The following DRG2 variants were observed in gnomAD, a reference collection of about 807,000 sequenced individuals.
The protein encoded by DRG2 is developmentally regulated GTP binding protein 2.
In DRG2, 36 loss-of-function variants were observed where a neutral mutation model predicts 53.4. The observed-to-expected ratio is 0.67, with a 90% CI of 0.52 to 0.89. DRG2 has a LOEUF of 0.89. Ranked by LOEUF, DRG2 falls within the 40% of genes least tolerant of loss-of-function variation. The pLI is 0.00. For missense variants in DRG2, 342 were observed against 481.2 expected (o/e 0.71, Z 2.71); for synonymous variants, 167 against 192.1 (o/e 0.87, Z 1.08).
At chr17:18,094,559 C>T (rs559341763) in intron 2 of DRG2, among the ~76,000 whole-genome samples, 2 of 152,216 alleles carry the variant, frequency 1.3e-5, no homozygotes, top group Non-Finnish European at 2.9e-5. Flanking sequence ...CTTGGTGTGT[C>T]CAGGGAGGCC....
intron 1 of DRG2, among the ~76,000 whole-genome samples, chr17:18,088,364 C>A (rs567082706): frequency 8.5e-4 from 129 of 152,320 alleles, no homozygotes; most frequent in African/African-American, 3.0e-3. Context: ...AGCATCTGAC[C>A]CAGAGAGAGG....
chr17:18,100,731 C>A lies in DRG2; in HGVS notation c.631+72C>A. 6.9e-7 allele frequency: 1 copy of A among 1,454,580 alleles called. No individual in the cohort carries two copies. Among genetic ancestry groups the A allele is most frequent in the Non-Finnish European group, 9.4e-7 (1 of 1,062,438 alleles). 90.1% of individuals were successfully genotyped at this position (1,454,580 alleles called of 1,614,324 possible). On this transcript the variant is annotated intron_variant, in intron 7 of 12. Transcript: ENST00000225729. The surrounding 1 kb of genome is among the most constrained non-coding windows in gnomAD (Gnocchi z 4.1). ...AGCGCAGCGGGGGGACTGACTAAGA[C>A]AGGAGGCCTCATGGAGCAGGGTGGC...
chr17:18,099,116 C>T lies in DRG2; in HGVS notation c.376+39C>T. The stretch of plus-strand genomic sequence containing the variant: ...CAGGTGTGTGGGAAGCAGACTGGAG[C>T]TCTGTTACTGATCGTTGAAATTGGG... On this transcript the variant is annotated intron_variant, in intron 4 of 12. Transcript: ENST00000225729. The surrounding 1 kb of genome is among the most constrained non-coding windows in gnomAD (Gnocchi z 4.4). 1 of 1,613,000 alleles carries T rather than the reference C, an allele frequency of 6.2e-7. No individual in the cohort carries two copies. Among genetic ancestry groups the T allele is most frequent in the Non-Finnish European group, 8.5e-7 (1 of 1,179,516 alleles).
chr17:18,104,681 G>A lies in DRG2; in HGVS notation c.954G>A (p.Val318=), dbSNP rs377103925. The A allele has an allele frequency of 2.5e-6, 4 of 1,613,858 alleles. No individual in the cohort carries two copies. The highest frequency in any genetic ancestry group is 3.4e-6 in the Non-Finnish European group (4 of 1,180,020). ...ILRKGASVEH[V]CHRIHRSLAS... ...GGAAAGGGGCCTCAGTGGAGCACGT[G>A]GTGAGTTGACAAGACCTGCCGTGAC... The change falls in exon 11 of 13, where the codon GTG becomes GTA. Residue 318 remains valine (V), a splice_region_variant and synonymous_variant. Transcript: ENST00000225729.
Position 18,088,106 on chromosome 17 carries a change from G to A in DRG2, c.64+19G>A. 6.5e-7 allele frequency: 1 copy of A among 1,538,226 alleles called. No individual in the cohort carries two copies. Among genetic ancestry groups the A allele is most frequent in the Non-Finnish European group, 8.8e-7 (1 of 1,141,532 alleles). On this transcript the variant is annotated intron_variant, in intron 1 of 12. Coordinates refer to ENST00000225729, the MANE Select transcript of DRG2 (RefSeq NM_001388.5). ...AACAAGGGTGAGGGCCGGCCGGGCG[G>A]GGCCTTCCTTTCTGCCTGCCTCAGT...
Position 18,107,319 on chromosome 17 carries a change from C to A in DRG2, c.*79C>A. The A allele has an allele frequency of 2.2e-6, 3 of 1,382,374 alleles. No individual in the cohort carries two copies. Among genetic ancestry groups the A allele is most frequent in the African/African-American group, 1.4e-5 (1 of 70,074 alleles). 85.6% of individuals were successfully genotyped at this position (1,382,374 alleles called of 1,614,324 possible). On this transcript the variant is annotated 3_prime_UTR_variant, in exon 13 of 13. Coordinates refer to ENST00000225729, the MANE Select transcript of DRG2 (RefSeq NM_001388.5). ...CCACTGGGACACACAAACACCCAAA[C>A]AGAAAAATACAAATACACGTACCCC... is the stretch of plus-strand genomic sequence containing the variant.
intron 1 of DRG2, 89 bp downstream of exon 1, chr17:18,088,176 G>T: frequency 1.4e-6 from 2 of 1,444,388 alleles, no homozygotes; most frequent in Non-Finnish European, 1.9e-6. Context: ...AGTAATGCTG[G>T]GGCAAGATCC....
rs766572713 is a variant in DRG2 at position 18,099,667 on chromosome 17, G to A, written c.411G>A (p.Ala137=). ...KGRGRQVIAV[A]RTADVIIMML... ...GTGGCCGGCAGGTGATCGCTGTGGC[G>A]CGCACGGCTGACGTCATCATCATGA... Residue 137 remains alanine, a synonymous_variant, in exon 5 of 13, where the codon GCG becomes GCA. Transcript: ENST00000225729. The surrounding 1 kb of genome is among the most constrained non-coding windows in gnomAD (Gnocchi z 4.4). 2.5e-5 allele frequency: 40 copies of A among 1,607,594 alleles called. No homozygotes were observed. The Admixed American group carries it at 2.9e-4, about 12-fold the overall frequency.
intron 11 of DRG2, 49 bp downstream of exon 11, chr17:18,104,730 C>T (rs1402302411): frequency 1.2e-6 from 2 of 1,612,982 alleles, no homozygotes; most frequent in East Asian, 2.2e-5. Flanking sequence ...TCTGCATGCC[C>T]TTTGGGGCTC....
Position 18,101,909 on chromosome 17 carries a change from T to C in DRG2, c.730-12T>C. ...CTGTCCTCAGCACCGGCCTCCACCTTCTCAATCTCAGGTTTATAACAAAAT... is the reference window on the plus strand; with the variant it reads ...CTGTCCTCAGCACCGGCCTCCACCTCCTCAATCTCAGGTTTATAACAAAAT... On this transcript the variant is annotated splice_polypyrimidine_tract_variant and intron_variant, in intron 8 of 12. Coordinates refer to ENST00000225729, the MANE Select transcript of DRG2 (RefSeq NM_001388.5). 2 of 1,608,958 alleles carry C rather than the reference T, an allele frequency of 1.2e-6. No homozygotes were observed. The highest frequency in any genetic ancestry group is 1.7e-6 in the Non-Finnish European group (2 of 1,177,186).
rs2045573669 is a variant in DRG2, at chr17:18,103,411, G to T, written c.807-390G>T. Among the ~76,000 whole-genome samples, 1 of 152,132 alleles carries T rather than the reference G, an allele frequency of 6.6e-6. No individual in the cohort carries two copies. The highest frequency in any genetic ancestry group is 2.1e-4 in the South Asian group (1 of 4,830). On this transcript the variant is annotated intron_variant, in intron 9 of 12. Transcript: ENST00000225729. This position sits in a 1 kb window ranked among gnomAD's most constrained non-coding sequence, Gnocchi z 4.4. ...CTCCCCTCTTCTTGCTGAAATCCCT[G>T]CTGGACTTCCTGGCAGTCCCTTGCT...
chr17:18,092,933 A>G (rs917166477), intron 1 of DRG2, among the ~76,000 whole-genome samples: 5 of 152,228 alleles, frequency 3.3e-5, no homozygotes, highest in Non-Finnish European at 5.9e-5. Context: ...AAAGCATGAC[A>G]TAGTCTTCCC....
rs2045662411 is a variant in DRG2, at chr17:18,107,402, A to G, written c.*162A>G. On this transcript the variant is annotated 3_prime_UTR_variant, in exon 13 of 13. Transcript: ENST00000225729. ...AGAAGTTTCTTCAGTAGGCAGACGA[A>G]GAGTGTGTTGGGGCAAAGGGGCTCG... 1 of 711,044 alleles carries G rather than the reference A, an allele frequency of 1.4e-6. No individual in the cohort carries two copies. The highest frequency in any genetic ancestry group is 1.8e-5 in the African/African-American group (1 of 56,662). 44.0% of individuals were successfully genotyped at this position (711,044 alleles called of 1,614,324 possible).
intron 1 of DRG2, among the ~76,000 whole-genome samples, chr17:18,090,391 TATATATATATATATA>T (rs1243688202): frequency 2.4e-3 from 31 of 13,176 alleles, no homozygotes; most frequent in African/African-American, 0.011. Flanking sequence ...TATATATATA[TATATATATATATATA>T]TTTTTTTTTT....
At chr17:18,094,997 A>T (rs1304928085) in intron 2 of DRG2, among the ~76,000 whole-genome samples, 2 of 150,734 alleles carry the variant, frequency 1.3e-5, no homozygotes, top group African/African-American at 2.4e-5. Context: ...AAAAAAAAAA[A>T]AAAAAAGAAG....
In DRG2 at chr17:18,098,516, G is replaced by GA. The variant is rs1263401631; in HGVS notation, c.315+158dup. 6 of 633,884 alleles carry GA rather than the reference G, an allele frequency of 9.5e-6. No individual in the cohort carries two copies. The African/African-American group carries it at 1.1e-4, about 12-fold the overall frequency. The allele number at this position is 633,884 out of a possible 1,614,324, so 39.3% of individuals were successfully genotyped here. ...GCCCTCCAGCACTGACACTTCTGGG[G>GA]ATCCTAGCTGCTGGACCCCAGAGAT... On this transcript the variant is annotated intron_variant, in intron 3 of 12. Coordinates refer to ENST00000225729, the MANE Select transcript of DRG2 (RefSeq NM_001388.5). The surrounding 1 kb of genome is among the most constrained non-coding windows in gnomAD (Gnocchi z 4.1).
Position 18,107,961 on chromosome 17 carries a change from T to C in DRG2, c.*721T>C, listed in dbSNP as rs908123364. The C allele has an allele frequency of 6.6e-6, 1 of 152,366 alleles. No individual in the cohort carries two copies. The highest frequency in any genetic ancestry group is 1.5e-5 in the Non-Finnish European group (1 of 68,144). The allele number at this position is 152,366 out of a possible 1,614,324, so 9.4% of individuals were successfully genotyped here. A position where few individuals can be genotyped will look rare whatever the true frequency, so the allele number is the denominator to read the frequency against. ...GGCTCTCCTTTCTGAAATAAAGGAT[T>C]GAAAACGGTTCCTGTTCAGACTGAG... On this transcript the variant is annotated 3_prime_UTR_variant, in exon 13 of 13. Coordinates refer to ENST00000225729, the MANE Select transcript of DRG2 (RefSeq NM_001388.5).
rs1242491729 is a variant in DRG2 at position 18,090,368 on chromosome 17, T to TTATATA, written c.64+2315_64+2320dup. On this transcript the variant is annotated intron_variant, in intron 1 of 12. Transcript: ENST00000225729. ...GTGTGCACCACCACACCGGGCTAAT[T>TTATATA]TATATATATATATATATATATATAT... 1.3e-3 allele frequency among the ~76,000 whole-genome samples: 33 copies of TTATATA among 25,504 alleles called. 1 individual carries two copies. In the East Asian group the frequency reaches 0.019, roughly 15 times the overall value. The allele number at this position is 25,504 out of a possible 152,430, so 16.7% of individuals were successfully genotyped here. A position where few individuals can be genotyped will look rare whatever the true frequency, so the allele number is the denominator to read the frequency against.
intron 1 of DRG2, among the ~76,000 whole-genome samples, chr17:18,090,145 G>A (rs905907765): frequency 1.3e-5 from 2 of 150,306 alleles, no homozygotes; most frequent in Admixed American, 6.6e-5. Flanking sequence ...TTAGGAGCTG[G>A]GATGACAGGA....
Sources: allele counts gnomAD v4.1 joint callset (sites outside exome capture counted in the v4.1 genomes callset), GRCh38; gene constraint gnomAD v4.1.1; non-coding constraint Gnocchi (gnomAD v3.1); transcripts MANE v1.5; gene names NCBI Gene and HGNC (gene_info 2026-07-23, HGNC 2026-07-21).